The following GRIK2 variants were observed in gnomAD, a reference collection of about 807,000 sequenced individuals.
The protein encoded by GRIK2 is glutamate ionotropic receptor kainate type subunit 2, also known as glutamate receptor ionotropic, kainate 2.
Under a neutral mutation model 100.3 loss-of-function variants are expected in GRIK2, and 32 were observed. The observed-to-expected ratio is 0.32, with a 90% CI of 0.24 to 0.43. The LOEUF is 0.43. Among genes scored for constraint, GRIK2 ranks in the 20% least tolerant of loss-of-function variants. The pLI is 1.00. For synonymous variants in GRIK2, 417 were observed against 389.4 expected (o/e 1.07, Z -0.83); for missense variants, 843 against 1,114.9 (o/e 0.76, Z 3.47).
At chr6:101,822,328 AG>A (rs1782010870) in intron 10 of GRIK2, among the ~76,000 whole-genome samples, 1 of 151,794 alleles carries the variant, frequency 6.6e-6, no homozygotes, top group Admixed American at 6.6e-5. Flanking sequence ...GAGTTATACT[AG>A]ATGTCAGGAG....
intron 12 of GRIK2, among the ~76,000 whole-genome samples, chr6:101,898,793 T>TTGA: frequency 1.3e-5 from 2 of 151,990 alleles, no homozygotes; most frequent in Admixed American, 6.6e-5. Flanking sequence ...TAGTATTGTT[T>TTGA]TTTCATAATT....
At chr6:101,552,887 CTA>C (rs1293239881) in intron 2 of GRIK2, among the ~76,000 whole-genome samples, 1 of 152,172 alleles carries the variant, frequency 6.6e-6, no homozygotes, top group Non-Finnish European at 1.5e-5. Flanking sequence ...AAAAAACACT[CTA>C]TGTCTGAAGT....
chr6:101,771,575 C>A (rs904968552), intron 7 of GRIK2, among the ~76,000 whole-genome samples: 1 of 151,270 alleles, frequency 6.6e-6, no homozygotes, highest in Non-Finnish European at 1.5e-5. Flanking sequence ...GGTACATGTG[C>A]ACAATATGCA....
intron 12 of GRIK2, among the ~76,000 whole-genome samples, chr6:101,891,383 G>A (rs1045889880): frequency 4.6e-5 from 7 of 151,508 alleles, no homozygotes; most frequent in African/African-American, 1.7e-4. Context: ...TGGGCGTGGT[G>A]GTGTGCACCT....
chr6:101,798,135 ACTGGGTT>A (rs1403365595), intron 7 of GRIK2, among the ~76,000 whole-genome samples: 4 of 151,040 alleles, frequency 2.6e-5, no homozygotes, highest in African/African-American at 9.7e-5. Context: ...AAGAGGAATT[ACTGGGTT>A]AAAATAAACA....
At chr6:101,498,947 C>G (rs968391714) in intron 2 of GRIK2, among the ~76,000 whole-genome samples, 29 of 152,056 alleles carry the variant, frequency 1.9e-4, no homozygotes, top group Non-Finnish European at 4.1e-4. Flanking sequence ...CTTGCCCATG[C>G]CTATGTCCTG....
intron 14 of GRIK2, among the ~76,000 whole-genome samples, chr6:101,974,937 G>GAGTT (rs144082634): frequency 0.016 from 2,410 of 151,998 alleles, 64 homozygotes; most frequent in African/African-American, 0.055. Flanking sequence ...AATAAAAATA[G>GAGTT]AGTTAGGTAA....
At chr6:101,607,974 T>G (rs570287) in intron 2 of GRIK2, among the ~76,000 whole-genome samples, 3,673 of 151,754 alleles carry the variant, frequency 0.024, 156 homozygotes, top group African/African-American at 0.085. Context: ...GAATTATCAT[T>G]GTCTTTGCCA....
At position 101,612,522 on chromosome 6, in the gene GRIK2, A is replaced by C. The variant is rs538554942; in HGVS notation, c.116-9427A>C. The stretch of plus-strand genomic sequence containing the variant: ...TTGAGCTTAGGTGTAAACATGTTTC[A>C]TACTTATTTAAATTTCTTTAGCTTC... On this transcript the variant is annotated intron_variant, in intron 2 of 16. Coordinates refer to ENST00000369134, the MANE Select transcript of GRIK2 (RefSeq NM_021956.5). Among the ~76,000 whole-genome samples the C allele has an allele frequency of 2.0e-5, 3 of 151,912 alleles. No individual in the cohort carries two copies. In the South Asian group the frequency reaches 6.2e-4, roughly 32 times the overall value.
chr6:101,711,704 G>T (rs1027743899), intron 7 of GRIK2, among the ~76,000 whole-genome samples: 3 of 151,814 alleles, frequency 2.0e-5, no homozygotes, highest in African/African-American at 7.2e-5. Context: ...AAAAGAGGAA[G>T]TGTGTTATGA....
At chr6:101,806,712 G>T (rs1383866980) in intron 9 of GRIK2, among the ~76,000 whole-genome samples, 2 of 150,782 alleles carry the variant, frequency 1.3e-5, no homozygotes, top group African/African-American at 4.9e-5. Context: ...TCCCAGCCAG[G>T]AATATCCATT....
At chr6:101,713,777 C>A (rs1233924076) in intron 7 of GRIK2, among the ~76,000 whole-genome samples, 1 of 151,640 alleles carries the variant, frequency 6.6e-6, no homozygotes, top group African/African-American at 2.4e-5. Flanking sequence ...GAAAGGTGAA[C>A]CTTCTAACAG....
intron 9 of GRIK2, among the ~76,000 whole-genome samples, chr6:101,807,125 C>T (rs1781054593): frequency 6.6e-6 from 1 of 151,894 alleles, no homozygotes; most frequent in African/African-American, 2.4e-5. Flanking sequence ...GAGTTATTTT[C>T]CTGTAGCACA....
At chr6:101,884,049 G>C (rs1786449264) in intron 11 of GRIK2, among the ~76,000 whole-genome samples, 1 of 152,196 alleles carries the variant, frequency 6.6e-6, no homozygotes, top group African/African-American at 2.4e-5. Flanking sequence ...TAAGAGTTCA[G>C]GCAATGTGAC....
intron 13 of GRIK2, among the ~76,000 whole-genome samples, chr6:101,925,240 A>G (rs934091670): frequency 6.6e-6 from 1 of 152,204 alleles, no homozygotes; most frequent in African/African-American, 2.4e-5. Flanking sequence ...ATTTGATAGC[A>G]TATAAGAATA....
intron 10 of GRIK2, among the ~76,000 whole-genome samples, chr6:101,854,574 A>T (rs1423826806): frequency 6.6e-6 from 1 of 151,464 alleles, no homozygotes; most frequent in African/African-American, 2.4e-5. Flanking sequence ...TCTATCACTT[A>T]AAAAAAAAGA....
chr6:101,762,455 G>T (rs74391050), intron 7 of GRIK2, among the ~76,000 whole-genome samples: 1 of 151,724 alleles, frequency 6.6e-6, no homozygotes, highest in Non-Finnish European at 1.5e-5. Flanking sequence ...TCCTGACACC[G>T]GTATCTCCTG....
At chr6:101,984,644 CA>C (rs1793913958) in intron 14 of GRIK2, among the ~76,000 whole-genome samples, 5 of 150,636 alleles carry the variant, frequency 3.3e-5, no homozygotes, top group Non-Finnish European at 5.9e-5. Context: ...CACACACACA[CA>C]CACACACACA....
intron 4 of GRIK2, among the ~76,000 whole-genome samples, chr6:101,651,601 G>C (rs1055407630): frequency 6.6e-6 from 1 of 152,112 alleles, no homozygotes; most frequent in Non-Finnish European, 1.5e-5. Context: ...TTTTAAATAG[G>C]GTGGTCATGG....
Sources: gnomAD v4.1 joint callset for allele counts (sites outside exome capture counted in the v4.1 genomes callset) on GRCh38, gnomAD v4.1.1 for gene constraint, MANE v1.5 for transcripts, NCBI Gene and HGNC (gene_info 2026-07-23, HGNC 2026-07-21) for gene names.